The following ATP2B2 variants were observed in gnomAD, a reference collection of about 807,000 sequenced individuals.
The protein encoded by ATP2B2 is plasma membrane calcium-transporting ATPase 2.
In ATP2B2, 15 loss-of-function variants were observed where a neutral mutation model predicts 120.0. That is an observed-to-expected ratio of 0.12 (90% CI 0.08 to 0.19). ATP2B2 has a LOEUF of 0.19. ATP2B2 is among the 10% of genes least tolerant of loss of function. The pLI is 1.00. For missense variants in ATP2B2, 1,045 were observed against 1,719.8 expected, an observed-to-expected ratio of 0.61 and a Z score of 6.94; for synonymous variants, 694 against 700.3, an observed-to-expected ratio of 0.99 and a Z score of 0.14.
chr3:10,569,208 T>C (rs760733860), intron 2 of ATP2B2, among the ~76,000 whole-genome samples: 2 of 152,192 alleles, frequency 1.3e-5, no homozygotes, highest in African/African-American at 2.4e-5. Context: ...ATGTGACAAT[T>C]ATAAAAACAA....
chr3:10,625,949 T>A (rs115206834), intron 1 of ATP2B2: 13 of 152,348 alleles, frequency 8.5e-5, no homozygotes, highest in East Asian at 7.7e-4. Flanking sequence ...TAAAGTTTTT[T>A]AAAATTGTTA....
intron 2 of ATP2B2, among the ~76,000 whole-genome samples, chr3:10,581,618 C>A (rs985257653): frequency 6.6e-6 from 1 of 152,218 alleles, no homozygotes; most frequent in African/African-American, 2.4e-5. Context: ...CCTCACTAGG[C>A]ATCGCAAGGA....
chr3:10,391,963 G>C (rs1406761181), intron 5 of ATP2B2, among the ~76,000 whole-genome samples: 5 of 152,140 alleles, frequency 3.3e-5, no homozygotes, highest in Admixed American at 3.3e-4. Context: ...GTGATCACCT[G>C]AATGCCTTTC....
chr3:10,377,367 G>C (rs1208612139), intron 10 of ATP2B2, among the ~76,000 whole-genome samples: 1 of 152,122 alleles, frequency 6.6e-6, no homozygotes, highest in East Asian at 1.9e-4. Context: ...CTGTCACCAG[G>C]CCCCCAAGTT....
At chr3:10,393,662 G>C (rs1358695816) in intron 5 of ATP2B2, among the ~76,000 whole-genome samples, 2 of 152,226 alleles carry the variant, frequency 1.3e-5, no homozygotes, top group Non-Finnish European at 2.9e-5. Flanking sequence ...GTGGGGAGCT[G>C]CCAGCTATCC....
intron 1 of ATP2B2, among the ~76,000 whole-genome samples, chr3:10,695,251 G>GGGGAGAGAGA (rs796790324): frequency 7.9e-6 from 1 of 126,910 alleles, no homozygotes. Flanking sequence ...AGGGAGGGAG[G>GGGGAGAGAGA]GAGAGAGAGA....
chr3:10,657,495 C>CA (rs2070664531), intron 1 of ATP2B2, among the ~76,000 whole-genome samples: 1 of 152,192 alleles, frequency 6.6e-6, no homozygotes, highest in Non-Finnish European at 1.5e-5. Flanking sequence ...GTGGGGCATT[C>CA]AAGAAAGTGG....
At chr3:10,641,267 T>G (rs141062419) in intron 1 of ATP2B2, among the ~76,000 whole-genome samples, 221 of 152,314 alleles carry the variant, frequency 1.5e-3, no homozygotes, top group African/African-American at 4.9e-3. Flanking sequence ...TGGAACCAGC[T>G]GACTAGAGGA....
intron 8 of ATP2B2, among the ~76,000 whole-genome samples, chr3:10,383,950 C>G (rs1404287934): frequency 6.6e-6 from 1 of 152,172 alleles, no homozygotes; most frequent in African/African-American, 2.4e-5. Context: ...TAGGTTCCTT[C>G]TCTCTCAGCC....
chr3:10,332,215 TC>T, intron 22 of ATP2B2: 1 of 622,022 alleles, frequency 1.6e-6, no homozygotes, highest in Non-Finnish European at 3.0e-6. Flanking sequence ...CAGTGCAAAC[TC>T]CTTGCCCTAG....
intron 1 of ATP2B2, among the ~76,000 whole-genome samples, chr3:10,633,188 T>C (rs1249563697): frequency 3.9e-5 from 6 of 152,192 alleles, no homozygotes; most frequent in African/African-American, 1.4e-4. Context: ...TCTCCCTTCA[T>C]CAAGAAAATG....
At chr3:10,421,555 C>T (rs2062980826) in intron 2 of ATP2B2, among the ~76,000 whole-genome samples, 2 of 152,302 alleles carry the variant, frequency 1.3e-5, no homozygotes, top group Non-Finnish European at 2.9e-5. Context: ...AAAAAGGAGA[C>T]TGGAAGAGGA....
intron 2 of ATP2B2, among the ~76,000 whole-genome samples, chr3:10,600,122 T>C (rs1210739872): frequency 1.9e-5 from 2 of 107,842 alleles, no homozygotes; most frequent in Admixed American, 1.0e-4. Context: ...TGGGGGGCCA[T>C]GGGGGCCACA....
intron 1 of ATP2B2, among the ~76,000 whole-genome samples, chr3:10,471,365 T>TGA (rs1491303327): frequency 0.075 from 77 of 1,032 alleles, no homozygotes; most frequent in East Asian, 0.17. Context: ...TCAGGAAACC[T>TGA]GTGTGTGTGT....
At chr3:10,676,222 A>C (rs528494210) in intron 1 of ATP2B2, among the ~76,000 whole-genome samples, 1 of 152,176 alleles carries the variant, frequency 6.6e-6, no homozygotes, top group Admixed American at 6.5e-5. Flanking sequence ...GCAGGACCCC[A>C]GTCTCTGGAA....
At chr3:10,571,580 G>A (rs1483589105) in intron 2 of ATP2B2, among the ~76,000 whole-genome samples, 2 of 152,192 alleles carry the variant, frequency 1.3e-5, no homozygotes, top group African/African-American at 2.4e-5. Context: ...AGAAGGAGAG[G>A]AAAGCCAGAT....
At position 10,655,890 on chromosome 3, in the gene ATP2B2, C is replaced by G. The variant is rs189587829; in HGVS notation, c.-459-35929G>C. On this transcript the variant is annotated intron_variant, in intron 1 of 21. Coordinates refer to the ATP2B2 transcript ENST00000646379. ...TTCAACGTGCCTCCTCCTTCTTCAT[C>G]GATGCTTTATTTACCATTCCTTGGT... Among the ~76,000 whole-genome samples the G allele has an allele frequency of 2.0e-5, 3 of 152,304 alleles. No individual in the cohort carries two copies. The South Asian group carries it at 6.2e-4, about 32-fold the overall frequency.
rs749056818 is a variant in ATP2B2, at chr3:10,512,464, G to GCGCGCACACA, written c.-320+21574_-320+21575insTGTGTGCGCG. On this transcript the variant is annotated intron_variant, in intron 3 of 21. Transcript: ENST00000646379. Reference sequence around the variant, plus strand: ...TATTCCTGGGTGCTAAAGTGTGTGCGCACACACACACACACACACACACAC... The same window carrying GCGCGCACACA: ...TATTCCTGGGTGCTAAAGTGTGTGCGCGCGCACACACACACACACACACACACACACACAC... 1.7e-3 allele frequency among the ~76,000 whole-genome samples: 228 copies of GCGCGCACACA among 136,994 alleles called. 1 individual carries two copies. The highest frequency in any genetic ancestry group is 6.3e-3 in the South Asian group (27 of 4,276). The allele number at this position is 136,994 out of a possible 152,430, so 89.9% of individuals were successfully genotyped here. A position where few individuals can be genotyped will look rare whatever the true frequency, so the allele number is the denominator to read the frequency against.
intron 1 of ATP2B2, among the ~76,000 whole-genome samples, chr3:10,707,328 T>TGGAGATGCGGAGAGCACTTGGC (rs2125724125): frequency 1.3e-5 from 2 of 152,198 alleles, no homozygotes; most frequent in Non-Finnish European, 2.9e-5. Context: ...AAGGTGAGGC[T>TGGAGATGCGGAGAGCACTTGGC]GGAGATGCGG....
Sources: gnomAD v4.1 joint callset for allele counts (sites outside exome capture counted in the v4.1 genomes callset) on GRCh38, gnomAD v4.1.1 for gene constraint, MANE v1.5 for transcripts, NCBI Gene and HGNC (gene_info 2026-07-23, HGNC 2026-07-21) for gene names.